The following MFF variants were observed in gnomAD, a reference collection of about 807,000 sequenced individuals.
The protein encoded by MFF is mitochondrial fission factor.
Under a neutral mutation model 36.9 loss-of-function variants are expected in MFF, and 12 were observed. The ratio of observed to expected loss-of-function variants is 0.33; its 90% CI spans 0.21 to 0.53. The LOEUF (loss-of-function observed/expected upper bound fraction) is 0.53. MFF is among the 20% of genes least tolerant of loss of function. MFF has a pLI of 0.95. For missense variants in MFF, 348 were observed against 366.6 expected (o/e 0.95, Z 0.42); for synonymous variants, 99 against 126.2 (o/e 0.78, Z 1.44).
intron 8 of MFF, among the ~76,000 whole-genome samples, chr2:227,356,645 GTAAGCCTGCCAAAAT>G (rs1335280666): frequency 6.6e-6 from 1 of 152,136 alleles, no homozygotes; most frequent in African/African-American, 2.4e-5. Flanking sequence ...TTCTGCTGTG[GTAAGCCTGCCAAAAT>G]GCATACTGAG....
At chr2:227,354,713 A>AT (rs140144658) in intron 7 of MFF, among the ~76,000 whole-genome samples, 11,570 of 151,972 alleles carry the variant, frequency 0.076, 625 homozygotes, top group East Asian at 0.13. Context: ...CTTTCTCTGG[A>AT]TTTTGTCTTA....
At chr2:227,347,825 CT>C (rs146103535) in intron 6 of MFF, among the ~76,000 whole-genome samples, 1,964 of 152,312 alleles carry the variant, frequency 0.013, 18 homozygotes, top group Non-Finnish European at 0.02. Context: ...TGCCAGGACA[CT>C]TTTTTCCTTT....
At chr2:227,330,532 C>G in intron 2 of MFF, 94 bp from the exon 3 acceptor site, 2 of 767,316 alleles carry the variant, frequency 2.6e-6, no homozygotes, top group Non-Finnish European at 4.0e-6. Context: ...AGTTTCCTTT[C>G]GCTCTTTCTA....
intron 8 of MFF, 53 bp from the exon 9 acceptor site, chr2:227,356,933 C>A (rs747233895): frequency 7.1e-5 from 96 of 1,353,604 alleles, no homozygotes; most frequent in Non-Finnish European, 9.5e-5. Flanking sequence ...TCTGATTGCC[C>A]TATTCATTAA....
chr2:227,338,090 G>A (rs1026988870), intron 4 of MFF, among the ~76,000 whole-genome samples: 36 of 151,342 alleles, frequency 2.4e-4, no homozygotes, highest in African/African-American at 8.3e-4. Flanking sequence ...CATCCAGGCC[G>A]GGCATGGTGG....
intron 5 of MFF, 28 bp downstream of exon 5, chr2:227,340,408 C>T (rs527601346): frequency 1.1e-5 from 17 of 1,540,650 alleles, no homozygotes; most frequent in South Asian, 7.9e-5. Flanking sequence ...CATTTTATCT[C>T]GTTTGTAAGT....
At chr2:227,325,836 C>T (rs1180617207) in intron 1 of MFF, among the ~76,000 whole-genome samples, 1 of 152,230 alleles carries the variant, frequency 6.6e-6, no homozygotes, top group Non-Finnish European at 1.5e-5. Context: ...TGACACCTTA[C>T]AGGCTGACCT....
intron 5 of MFF, among the ~76,000 whole-genome samples, chr2:227,345,041 TTA>T (rs1342408578): frequency 3.9e-5 from 6 of 152,188 alleles, no homozygotes; most frequent in Non-Finnish European, 5.9e-5. Flanking sequence ...GAGAGAGATC[TTA>T]TAGATTGTTT....
intron 7 of MFF, 195 bp from the exon 8 acceptor site, chr2:227,355,482 A>G: frequency 2.9e-6 from 1 of 342,212 alleles, no homozygotes. Flanking sequence ...TCAATATTGT[A>G]GACAGTTGTC....
In MFF at chr2:227,357,135, A is replaced by G. The variant is rs201959060; in HGVS notation, c.*18A>G. Reference sequence around the variant, plus strand: ...GCCGCTAGAGGTAACATCAGCCCTCAAAAATACTGTCTCAACAGCTGGAAA... The same window carrying G: ...GCCGCTAGAGGTAACATCAGCCCTCGAAAATACTGTCTCAACAGCTGGAAA... On this transcript the variant is annotated 3_prime_UTR_variant, in exon 9 of 9. Coordinates refer to ENST00000304593, the MANE Select transcript of MFF (RefSeq NM_001277062.2). 6,347 of 1,607,718 alleles carry G rather than the reference A, an allele frequency of 3.9e-3. 16 individuals carry two copies. The highest frequency in any genetic ancestry group is 4.7e-3 in the Non-Finnish European group (5,588 of 1,178,376).
In MFF at chr2:227,355,812, T is replaced by C. The variant is rs12478005; in HGVS notation, c.744+51T>C. The C allele has an allele frequency of 0.33, 373,757 of 1,116,870 alleles. 64,493 individuals are homozygous for C. The highest frequency in any genetic ancestry group is 0.46 in the Admixed American group (25,676 of 56,180). The allele number at this position is 1,116,870 out of a possible 1,614,324, so 69.2% of individuals were successfully genotyped here. ...ATTTCTCAGTTATATTCATACAATA[T>C]TTTAAAGTGATAGTTCTCAACATTT... On this transcript the variant is annotated intron_variant, in intron 8 of 8. Coordinates refer to ENST00000304593, the MANE Select transcript of MFF (RefSeq NM_001277062.2).
intron 8 of MFF, among the ~76,000 whole-genome samples, chr2:227,356,440 G>A (rs1345517400): frequency 6.6e-6 from 1 of 152,182 alleles, no homozygotes; most frequent in African/African-American, 2.4e-5. Flanking sequence ...TCCAGCAGCT[G>A]GGGAATTAGC....
At chr2:227,339,021 G>T (rs529969837) in intron 4 of MFF, among the ~76,000 whole-genome samples, 1 of 151,874 alleles carries the variant, frequency 6.6e-6, no homozygotes, top group Admixed American at 6.6e-5. Flanking sequence ...TGGGGAACAT[G>T]GCAAAACCCC....
intron 7 of MFF, among the ~76,000 whole-genome samples, chr2:227,355,022 A>G (rs1179090921): frequency 6.6e-6 from 1 of 152,110 alleles, no homozygotes; most frequent in African/African-American, 2.4e-5. Context: ...TTAGCCGGGC[A>G]TGGTGGCAGG....
chr2:227,345,637 G>C (rs371077169), intron 5 of MFF, among the ~76,000 whole-genome samples: 1 of 152,132 alleles, frequency 6.6e-6, no homozygotes, highest in East Asian at 1.9e-4. Flanking sequence ...AATTCTGAGT[G>C]TAAGACTAAC....
chr2:227,338,468 A>G (rs1253415608), intron 4 of MFF, among the ~76,000 whole-genome samples: 2 of 152,116 alleles, frequency 1.3e-5, no homozygotes, highest in Non-Finnish European at 2.9e-5. Flanking sequence ...TGATATTTTG[A>G]AAATCTTAAT....
At chr2:227,351,276 C>A (rs1401945451) in intron 6 of MFF, among the ~76,000 whole-genome samples, 1 of 152,132 alleles carries the variant, frequency 6.6e-6, no homozygotes, top group Non-Finnish European at 1.5e-5. Flanking sequence ...CATGTTCCCC[C>A]AAAAAGTCTC....
At chr2:227,347,038 C>T in intron 5 of MFF, 188 bp from the exon 6 acceptor site, 1 of 523,754 alleles carries the variant, frequency 1.9e-6, no homozygotes, top group Non-Finnish European at 3.4e-6. Flanking sequence ...GTTATAAGTG[C>T]TGCCTTGTAG....
chr2:227,343,200 TTTC>T (rs1369589585), intron 5 of MFF, among the ~76,000 whole-genome samples: 1 of 152,142 alleles, frequency 6.6e-6, no homozygotes, highest in Non-Finnish European at 1.5e-5. Context: ...CGCACTGTCT[TTTC>T]TTCTTCTATC....
Sources: allele counts gnomAD v4.1 joint callset (sites outside exome capture counted in the v4.1 genomes callset), GRCh38; gene constraint gnomAD v4.1.1; transcripts MANE v1.5; gene names NCBI Gene and HGNC (gene_info 2026-07-23, HGNC 2026-07-21).